PTPRR: variants seen among roughly 807,000 people sequenced by gnomAD.
The protein encoded by PTPRR is protein tyrosine phosphatase receptor type R, also known as receptor-type tyrosine-protein phosphatase R.
A neutral mutation model predicts 77.2 loss-of-function variants in PTPRR; 38 were observed. The ratio of observed to expected loss-of-function variants is 0.49; its 90% CI spans 0.38 to 0.65. The LOEUF (loss-of-function observed/expected upper bound fraction) is 0.65, where lower values mean the gene tolerates loss of function less well. Among genes scored for constraint, PTPRR ranks in the 30% least tolerant of loss-of-function variants. PTPRR has a pLI of 0.00. For synonymous variants in PTPRR, 299 were observed against 283.1 expected (o/e 1.06, Z -0.57); for missense variants, 744 against 799.2 (o/e 0.93, Z 0.83).
At chr12:70,902,343 T>A (rs2137127835) in intron 1 of PTPRR, among the ~76,000 whole-genome samples, 1 of 151,988 alleles carries the variant, frequency 6.6e-6, no homozygotes, top group South Asian at 2.1e-4. Context: ...GAAGTCGTTA[T>A]ATGAAAAAGA....
chr12:70,661,498 T>C (rs1262137744), intron 11 of PTPRR, among the ~76,000 whole-genome samples: 2 of 152,228 alleles, frequency 1.3e-5, no homozygotes, highest in Non-Finnish European at 2.9e-5. Context: ...TGTTAATCAA[T>C]AGAACACTTA....
intron 6 of PTPRR, among the ~76,000 whole-genome samples, chr12:70,715,047 A>G (rs1888971205): frequency 6.6e-6 from 1 of 152,058 alleles, no homozygotes; most frequent in African/African-American, 2.4e-5. Flanking sequence ...TATTTAAGAC[A>G]TTACGATATC....
rs917193530 is a variant in PTPRR at position 70,771,222 on chromosome 12, A to T, written c.358-6444T>A. On this transcript the variant is annotated intron_variant, in intron 2 of 13. Transcript: ENST00000283228. Reference sequence around the variant, plus strand: ...ATACACCATGGAACATTATGCAGCCATAAAAAATGAAATTATGTTCTTTGC... The same window carrying T: ...ATACACCATGGAACATTATGCAGCCTTAAAAAATGAAATTATGTTCTTTGC... Among the ~76,000 whole-genome samples the T allele has an allele frequency of 4.6e-5, 7 of 152,184 alleles. No homozygotes were observed. In the South Asian group the frequency reaches 6.2e-4, roughly 13 times the overall value.
intron 2 of PTPRR, among the ~76,000 whole-genome samples, chr12:70,792,885 C>T (rs1261576884): frequency 6.6e-6 from 1 of 151,994 alleles, no homozygotes; most frequent in East Asian, 1.9e-4. Flanking sequence ...TTAATTCTTC[C>T]AAAATTGAAG....
At chr12:70,800,910 A>G (rs1017151341) in intron 2 of PTPRR, among the ~76,000 whole-genome samples, 39 of 152,048 alleles carry the variant, frequency 2.6e-4, no homozygotes, top group Admixed American at 7.9e-4. Context: ...AAAAAAAAAA[A>G]AAAGTATTAA....
chr12:70,807,462 T>C (rs1849465), intron 2 of PTPRR, among the ~76,000 whole-genome samples: 103,064 of 152,042 alleles, frequency 0.68, 37,697 homozygotes, highest in South Asian at 0.84. Context: ...TTTTGTATCT[T>C]CTAACCAATA....
chr12:70,738,047 T>A (rs80130398), intron 6 of PTPRR, among the ~76,000 whole-genome samples: 4,819 of 152,292 alleles, frequency 0.032, 109 homozygotes, highest in Non-Finnish European at 0.048. Context: ...GAGGAAATTG[T>A]AATACACAAA....
chr12:70,845,105 T>C (rs1892461634), intron 2 of PTPRR, among the ~76,000 whole-genome samples: 2 of 152,124 alleles, frequency 1.3e-5, no homozygotes, highest in African/African-American at 4.8e-5. Flanking sequence ...GGGAAGACAG[T>C]TGGAGCTAAT....
At chr12:70,833,602 G>A (rs1015923663) in intron 2 of PTPRR, among the ~76,000 whole-genome samples, 5 of 152,124 alleles carry the variant, frequency 3.3e-5, no homozygotes, top group African/African-American at 7.2e-5. Context: ...GTCTCACTCC[G>A]ATCACTGTTG....
chr12:70,782,027 C>T (rs1891213359), intron 2 of PTPRR, among the ~76,000 whole-genome samples: 3 of 152,094 alleles, frequency 2.0e-5, no homozygotes, highest in Non-Finnish European at 4.4e-5. Flanking sequence ...CTAATTAAAA[C>T]AATTAACAAA....
At chr12:70,757,874 A>C (rs10506606) in intron 4 of PTPRR, among the ~76,000 whole-genome samples, 56,959 of 152,068 alleles carry the variant, frequency 0.37, 11,947 homozygotes, top group African/African-American at 0.56. Flanking sequence ...TAACCACAGA[A>C]AAAATGAATA....
chr12:70,900,811 AG>A (rs1893521349), intron 1 of PTPRR, among the ~76,000 whole-genome samples: 1 of 151,672 alleles, frequency 6.6e-6, no homozygotes, highest in Non-Finnish European at 1.5e-5. Flanking sequence ...TGCAAATTAA[AG>A]CCACAATGAA....
chr12:70,687,962 A>G (rs1887929078), intron 8 of PTPRR, among the ~76,000 whole-genome samples: 2 of 152,292 alleles, frequency 1.3e-5, no homozygotes, highest in Middle Eastern at 3.4e-3. Context: ...AGCTAGCACC[A>G]AACTTTCAAA....
intron 2 of PTPRR, among the ~76,000 whole-genome samples, chr12:70,780,637 C>T (rs559766377): frequency 6.5e-4 from 99 of 152,096 alleles, no homozygotes; most frequent in Admixed American, 2.6e-3. Flanking sequence ...ACATATCATA[C>T]AAATATTTAT....
chr12:70,676,038 C>G, intron 10 of PTPRR, among the ~76,000 whole-genome samples: 1 of 151,806 alleles, frequency 6.6e-6, no homozygotes. Flanking sequence ...CTCAAGTCTT[C>G]CATCAGTTTT....
rs1251389910 is a variant in PTPRR at position 70,745,895 on chromosome 12, A to G, written c.930T>C (p.Ala310=). Residue 310 remains alanine, a synonymous_variant, in exon 6 of 14, where the codon GCT becomes GCC. Transcript: ENST00000283228. The part of the protein sequence containing the change: ...NVVVDPQGRG[A]PEIKATTATS... ...TAGCGGTGGTAGCTTTGATCTCAGG[A>G]GCACCTCGGCCTTGAGGGTCCACGA... 1.2e-6 allele frequency: 2 copies of G among 1,613,948 alleles called. No homozygotes were observed. The highest frequency in any genetic ancestry group is 1.1e-5 in the South Asian group (1 of 91,080).
At chr12:70,722,006 A>G (rs1000457470) in intron 6 of PTPRR, among the ~76,000 whole-genome samples, 3 of 152,204 alleles carry the variant, frequency 2.0e-5, no homozygotes, top group Non-Finnish European at 4.4e-5. Context: ...AGAACAAACT[A>G]GCAGAGTTTG....
intron 2 of PTPRR, among the ~76,000 whole-genome samples, chr12:70,863,729 A>C (rs1204479537): frequency 1.3e-5 from 2 of 150,762 alleles, no homozygotes; most frequent in African/African-American, 4.8e-5. Flanking sequence ...GGGTATTTTC[A>C]TCACTGTTTT....
At chr12:70,920,286 T>C in intron 1 of PTPRR, 47 bp downstream of exon 1, 1 of 1,573,148 alleles carries the variant, frequency 6.4e-7, no homozygotes. Context: ...CATGTGCAGT[T>C]TCCCATCTCA....
Sources: gnomAD v4.1 joint callset for allele counts (sites outside exome capture counted in the v4.1 genomes callset) on GRCh38, gnomAD v4.1.1 for gene constraint, MANE v1.5 for transcripts, NCBI Gene and HGNC (gene_info 2026-07-23, HGNC 2026-07-21) for gene names.